The following STARD13 variants were observed in gnomAD, a reference collection of about 807,000 sequenced individuals.
The protein encoded by STARD13 is stAR-related lipid transfer protein 13.
A neutral mutation model predicts 106.4 loss-of-function variants in STARD13; 62 were observed. The ratio of observed to expected loss-of-function variants is 0.58; its 90% CI spans 0.48 to 0.72. The LOEUF is 0.72. Among genes scored for constraint, STARD13 ranks in the 30% least tolerant of loss-of-function variants. The pLI, the probability that STARD13 is intolerant of heterozygous loss-of-function variation, is 0.00. For missense variants in STARD13, 1,387 were observed against 1,424.0 expected, an observed-to-expected ratio of 0.97 and a Z score of 0.42; for synonymous variants, 565 against 553.0, an observed-to-expected ratio of 1.02 and a Z score of -0.31.
intron 1 of STARD13, among the ~76,000 whole-genome samples, chr13:33,233,978 T>A (rs1170373851): frequency 6.6e-6 from 1 of 152,212 alleles, no homozygotes; most frequent in Non-Finnish European, 1.5e-5. Context: ...ATGAGTCTGT[T>A]GAAGGGGCCA....
the STARD13 span, among the ~76,000 whole-genome samples, chr13:33,488,559 G>A: frequency 2.6e-5 from 4 of 152,092 alleles, no homozygotes; most frequent in Admixed American, 2.6e-4. Flanking sequence ...TTTTAAGAAT[G>A]AGATCAAAAT....
chr13:33,208,493 T>C (rs1055429532), intron 1 of STARD13, among the ~76,000 whole-genome samples: 2 of 152,038 alleles, frequency 1.3e-5, no homozygotes, highest in Non-Finnish European at 2.9e-5. Flanking sequence ...GGCGGAACCA[T>C]ATATGGGATG....
chr13:33,215,858 G>T (rs372741888), intron 1 of STARD13, among the ~76,000 whole-genome samples: 73 of 152,144 alleles, frequency 4.8e-4, no homozygotes, highest in South Asian at 4.4e-3. Context: ...ACTCAAACAA[G>T]TTAGCAAGAA....
At position 33,120,752 on chromosome 13, in the gene STARD13, C is replaced by A. The variant is rs375812821; in HGVS notation, c.2083-2489G>T. On this transcript the variant is annotated intron_variant, in intron 7 of 13. Coordinates refer to ENST00000336934, the MANE Select transcript of STARD13 (RefSeq NM_178006.4). ...ATTGATGAGCTGATGATTGAGCTAA[C>A]CCTGGAACCGTTCTATTTCCTGACT... Among the ~76,000 whole-genome samples, 81 of 151,870 alleles carry A rather than the reference C, an allele frequency of 5.3e-4. 2 individuals carry two copies. The South Asian group carries it at 0.017, about 31-fold the overall frequency.
At chr13:33,161,608 C>G (rs1018482097) in intron 3 of STARD13, among the ~76,000 whole-genome samples, 2 of 152,200 alleles carry the variant, frequency 1.3e-5, no homozygotes, top group African/African-American at 4.8e-5. Flanking sequence ...AGCCACAACA[C>G]CTGGTCTGCT....
At chr13:33,288,545 G>A (rs1173328034), upstream of STARD13, among the ~76,000 whole-genome samples, 1 of 151,418 alleles carries the variant, frequency 6.6e-6, no homozygotes, top group Non-Finnish European at 1.5e-5. Flanking sequence ...AAAGTGGTAG[G>A]ATTACAGGCG....
At chr13:33,230,729 C>T (rs946259980) in intron 1 of STARD13, among the ~76,000 whole-genome samples, 1 of 152,212 alleles carries the variant, frequency 6.6e-6, no homozygotes, top group Non-Finnish European at 1.5e-5. Flanking sequence ...CATTATGACA[C>T]GTAAGGTCGG....
chr13:33,362,305 AACTC>A, the STARD13 span, among the ~76,000 whole-genome samples: 2 of 152,148 alleles, frequency 1.3e-5, no homozygotes, highest in African/African-American at 4.8e-5. Context: ...ACTGAGTGAG[AACTC>A]ACTCATCACC....
At chr13:33,627,969 C>T in the STARD13 span, among the ~76,000 whole-genome samples, 24,262 of 143,224 alleles carry the variant, frequency 0.17, 4,217 homozygotes, top group African/African-American at 0.44. Context: ...TTTTTTCTTT[C>T]TTTTTTTTTT....
Position 33,211,833 on chromosome 13 carries a change from G to GTGTA in STARD13, c.170-44212_170-44211insTACA, listed in dbSNP as rs1555248574. Reference sequence around the variant, plus strand: ...TGTGTGTGTGTGTGTGTGTATGTGTGTGTGTGTGTGTGTGTATGACACATA... The same window carrying GTGTA: ...TGTGTGTGTGTGTGTGTGTATGTGTGTGTATGTGTGTGTGTGTGTATGACACATA... On this transcript the variant is annotated intron_variant, in intron 1 of 13. Coordinates refer to ENST00000336934, the MANE Select transcript of STARD13 (RefSeq NM_178006.4). Among the ~76,000 whole-genome samples the GTGTA allele has an allele frequency of 8.7e-3, 1,315 of 150,644 alleles. 4 individuals carry two copies. The highest frequency in any genetic ancestry group is 0.017 in the African/African-American group (698 of 40,964).
At chr13:33,400,117 T>C in the STARD13 span, among the ~76,000 whole-genome samples, 1 of 152,160 alleles carries the variant, frequency 6.6e-6, no homozygotes, top group African/African-American at 2.4e-5. Flanking sequence ...ACTCTTTGAC[T>C]AACACCTCCC....
chr13:33,389,660 C>T, the STARD13 span, among the ~76,000 whole-genome samples: 1 of 152,146 alleles, frequency 6.6e-6, no homozygotes, highest in Non-Finnish European at 1.5e-5. Context: ...TGTTCATTCA[C>T]ATTTAATTAC....
chr13:33,263,185 C>A (rs192604641), intron 1 of STARD13, among the ~76,000 whole-genome samples: 58 of 152,216 alleles, frequency 3.8e-4, no homozygotes, highest in South Asian at 1.7e-3. Flanking sequence ...GGGGGAGCAT[C>A]CTGTACATTA....
At chr13:33,339,540 A>T (rs539131792) in intron 1 of STARD13, among the ~76,000 whole-genome samples, 1 of 152,216 alleles carries the variant, frequency 6.6e-6, no homozygotes, top group African/African-American at 2.4e-5. Context: ...AATAGCTTCC[A>T]CCCCTTTCCC....
intron 1 of STARD13, chr13:33,274,091 T>C (rs959412142): frequency 8.0e-4 from 10 of 12,460 alleles, no homozygotes; most frequent in South Asian, 7.9e-3. Context: ...AATCAGTCTG[T>C]CTTTTTTTTT....
intron 1 of STARD13, among the ~76,000 whole-genome samples, chr13:33,240,240 C>T (rs1345705229): frequency 2.6e-5 from 4 of 152,072 alleles, no homozygotes; most frequent in Admixed American, 2.0e-4. Flanking sequence ...TCCATTGTTC[C>T]ATATGTCTGT....
At chr13:33,657,922 C>T in the STARD13 span, among the ~76,000 whole-genome samples, 1 of 152,314 alleles carries the variant, frequency 6.6e-6, no homozygotes, top group Admixed American at 6.5e-5. Context: ...ATATACATTA[C>T]ATAAAATACA....
chr13:33,503,594 T>C, the STARD13 span, among the ~76,000 whole-genome samples: 5 of 152,216 alleles, frequency 3.3e-5, no homozygotes, highest in Admixed American at 1.3e-4. Flanking sequence ...TTTGTTCTCA[T>C]TGGTTTCAAA....
the STARD13 span, among the ~76,000 whole-genome samples, chr13:33,621,776 T>C: frequency 2.0e-5 from 3 of 151,642 alleles, no homozygotes; most frequent in African/African-American, 7.3e-5. Context: ...AAAGAAAAAC[T>C]GCAGGCCCAG....
Sources: allele counts gnomAD v4.1 joint callset (sites outside exome capture counted in the v4.1 genomes callset), GRCh38; gene constraint gnomAD v4.1.1; transcripts MANE v1.5; gene names NCBI Gene and HGNC (gene_info 2026-07-23, HGNC 2026-07-21).